Variants in RFFL observed in about 807,000 individuals in gnomAD.
The protein encoded by RFFL is E3 ubiquitin-protein ligase rififylin.
RFFL carries 16 observed loss-of-function variants against 40.4 expected under a neutral mutation model. The ratio of observed to expected loss-of-function variants is 0.40; its 90% CI spans 0.27 to 0.60. The LOEUF is 0.60. RFFL is among the 20% of genes least tolerant of loss of function. The probability of loss-of-function intolerance (pLI) is 0.47; values close to 1 mark genes in which losing one functional copy is unlikely to be tolerated. For missense variants in RFFL, 367 were observed against 451.7 expected, an observed-to-expected ratio of 0.81 and a Z score of 1.70; for synonymous variants, 154 against 167.9, an observed-to-expected ratio of 0.92 and a Z score of 0.64.
At position 35,011,068 on chromosome 17, in the gene RFFL, T is replaced by C. The variant is rs916298641; in HGVS notation, c.*900A>G. ...GATTTCATTTTCAGCGAAAAGTGGC[T>C]TAAGACTTCTAGTTGGGAAAAGGAT... On this transcript the variant is annotated 3_prime_UTR_variant, in exon 7 of 7. Coordinates refer to ENST00000394597, the MANE Select transcript of RFFL (RefSeq NM_001017368.2). The C allele has an allele frequency of 1.3e-5, 2 of 152,210 alleles. No homozygotes were observed. Among genetic ancestry groups the C allele is most frequent in the African/African-American group, 4.8e-5 (2 of 41,446 alleles). The allele number at this position is 152,210 out of a possible 1,614,324, so 9.4% of individuals were successfully genotyped here. A position where few individuals can be genotyped will look rare whatever the true frequency, so the allele number is the denominator to read the frequency against.
chr17:35,031,821 C>G (rs923395224), intron 1 of RFFL, among the ~76,000 whole-genome samples: 1 of 151,864 alleles, frequency 6.6e-6, no homozygotes, highest in Admixed American at 6.6e-5. Flanking sequence ...TGCAGCTGGG[C>G]GCGGTGGCTC....
chr17:35,076,679 A>AAATAAAAAT, intron 1 of RFFL: 2 of 137,198 alleles, frequency 1.5e-5, no homozygotes, highest in South Asian at 4.9e-4. Flanking sequence ...ACTCCGTCTC[A>AAATAAAAAT]AATAATAATA....
At chr17:35,064,994 T>G (rs1046408883), upstream of RFFL, among the ~76,000 whole-genome samples, 9 of 152,208 alleles carry the variant, frequency 5.9e-5, no homozygotes, top group South Asian at 8.3e-4. Context: ...TTCCTCCCCT[T>G]CAGTGTTTTC....
chr17:35,070,231 T>C (rs2091340969), intron 1 of RFFL, among the ~76,000 whole-genome samples: 1 of 152,160 alleles, frequency 6.6e-6, no homozygotes, highest in Non-Finnish European at 1.5e-5. Context: ...AGTGCGGTGG[T>C]GTGATCACAG....
intron 1 of RFFL, among the ~76,000 whole-genome samples, chr17:35,050,239 G>C (rs2091224289): frequency 6.6e-6 from 1 of 151,884 alleles, no homozygotes; most frequent in Non-Finnish European, 1.5e-5. Context: ...GGGAGACCCA[G>C]TCTCAAAAAA....
In RFFL at chr17:35,026,412, T is replaced by C. The variant is rs560971687; in HGVS notation, c.142A>G (p.Lys48Glu). The C allele has an allele frequency of 2.5e-6, 4 of 1,614,004 alleles. No individual in the cohort carries two copies. Among genetic ancestry groups the C allele is most frequent in the Non-Finnish European group, 1.7e-6 (2 of 1,179,954 alleles). Residue 48 changes from lysine (K) to glutamate (E), a missense_variant, in exon 2 of 7, where the codon AAG becomes GAG. Physicochemically the swap from Lys to Glu is moderately conservative, Grantham distance 56 (BLOSUM62 1). Coordinates refer to ENST00000394597, the MANE Select transcript of RFFL (RefSeq NM_001017368.2). ...TTTGCAAAGTGAGCCCCACAGGACT[T>C]GCAGCTTGGTTCCAAGCCTGTTGGG... ...PSPTGLEPSC[K>E]SCGAHFANTA... is the part of the protein sequence containing the mutation.
intron 1 of RFFL, among the ~76,000 whole-genome samples, chr17:35,056,375 CTTTTTTTTTTTTT>C (rs71147455): frequency 8.3e-6 from 1 of 120,722 alleles, no homozygotes. Flanking sequence ...TTTACTTCTA[CTTTTTTTTTTTTT>C]TTTTTTTGAG....
chr17:35,067,540 C>A (rs2091326681), upstream of RFFL, among the ~76,000 whole-genome samples: 1 of 150,884 alleles, frequency 6.6e-6, no homozygotes, highest in South Asian at 2.1e-4. Flanking sequence ...CTCACTGCAA[C>A]CTCCACCTCC....
At chr17:35,067,853 G>GT (rs1408790400), upstream of RFFL, among the ~76,000 whole-genome samples, 1 of 152,170 alleles carries the variant, frequency 6.6e-6, no homozygotes, top group Non-Finnish European at 1.5e-5. Flanking sequence ...ATGAAAAAAA[G>GT]TTTTTTCAAA....
intron 6 of RFFL, 21 bp from the exon 7 acceptor site, chr17:35,012,170 G>GA: frequency 1.2e-6 from 2 of 1,600,390 alleles, no homozygotes; most frequent in Non-Finnish European, 8.5e-7. Flanking sequence ...ACACAGGGCA[G>GA]AAAAAAAGGG....
chr17:35,016,511 C>T lies in RFFL; in HGVS notation c.745G>A (p.Asp249Asn), dbSNP rs1180915506. ...TGCCGCACTGTCAGGCCTTCAATGT[C>T]CTCCAGGTCAGTCAGGTCAGACAGA... Reference protein sequence around the residue: ...ASLSDLTDLEDIEGLTVRQLK... With the variant: ...ASLSDLTDLENIEGLTVRQLK... Residue 249 changes from aspartate to asparagine, a missense_variant, in exon 5 of 7, where the codon GAC (aspartate) becomes AAC (asparagine). Transcript: ENST00000394597. The T allele has an allele frequency of 1.2e-6, 2 of 1,614,192 alleles. No homozygotes were observed. The highest frequency in any genetic ancestry group is 2.2e-5 in the East Asian group (1 of 44,874).
chr17:35,079,505 T>C lies in RFFL; in HGVS notation c.-9+9600A>G, dbSNP rs181058621. On this transcript the variant is annotated intron_variant, in intron 1 of 6. Coordinates refer to the RFFL transcript ENST00000315249. ...GCTTTTGGGTAGTGCAAGAGACATG[T>C]TGATGTGCTGTGGTGAGGATTTTAT... 1.2e-4 allele frequency among the ~76,000 whole-genome samples: 19 copies of C among 152,320 alleles called. No individual in the cohort carries two copies. In the East Asian group the frequency reaches 2.5e-3, roughly 20 times the overall value.
intron 5 of RFFL, 59 bp downstream of exon 5, chr17:35,016,311 T>C: frequency 6.8e-7 from 1 of 1,465,474 alleles, no homozygotes; most frequent in Non-Finnish European, 9.5e-7. Flanking sequence ...CCATCATGCT[T>C]TGGAGTGACA....
chr17:35,021,088 A>G (rs1214425654), intron 3 of RFFL, among the ~76,000 whole-genome samples: 1 of 152,196 alleles, frequency 6.6e-6, no homozygotes, highest in Non-Finnish European at 1.5e-5. Flanking sequence ...TTTTCTCAAA[A>G]TATTTCTGGA....
upstream of RFFL, among the ~76,000 whole-genome samples, chr17:35,067,119 T>A (rs990218462): frequency 3.3e-5 from 5 of 150,588 alleles, no homozygotes; most frequent in African/African-American, 1.2e-4. Flanking sequence ...AAACTGAATT[T>A]TTTTTTTTTT....
At chr17:35,021,841 C>T (rs1008315341) in intron 2 of RFFL, 60 bp from the exon 3 acceptor site, 25 of 1,549,760 alleles carry the variant, frequency 1.6e-5, no homozygotes, top group East Asian at 2.2e-5. Flanking sequence ...ACAGAGAGTG[C>T]GATGGGAGCT....
At chr17:35,086,469 C>T (rs1358533127) in intron 1 of RFFL, among the ~76,000 whole-genome samples, 1 of 113,608 alleles carries the variant, frequency 8.8e-6, no homozygotes, top group Non-Finnish European at 1.7e-5. Context: ...AAGAGTGAGA[C>T]CCCCATCTCA....
chr17:35,060,384 T>TAA (rs1486605755), intron 1 of RFFL, among the ~76,000 whole-genome samples: 40 of 152,180 alleles, frequency 2.6e-4, no homozygotes, highest in African/African-American at 9.7e-4. Context: ...TGGAACCTGA[T>TAA]AGAGTATATT....
intron 1 of RFFL, among the ~76,000 whole-genome samples, chr17:35,032,545 G>C (rs1380614000): frequency 6.6e-6 from 1 of 152,054 alleles, no homozygotes; most frequent in Admixed American, 6.5e-5. Flanking sequence ...CTCAGGAGGA[G>C]GCATGTATCT....
Sources: gnomAD v4.1 joint callset for allele counts (sites outside exome capture counted in the v4.1 genomes callset) on GRCh38, gnomAD v4.1.1 for gene constraint, MANE v1.5 for transcripts, NCBI Gene and HGNC (gene_info 2026-07-23, HGNC 2026-07-21) for gene names.